The following RBMS3 variants were observed in gnomAD, a reference collection of about 807,000 sequenced individuals.
The protein encoded by RBMS3 is RNA-binding motif, single-stranded-interacting protein 3.
Under a neutral mutation model 66.8 loss-of-function variants are expected in RBMS3, and 27 were observed. The ratio of observed to expected loss-of-function variants is 0.40; its 90% confidence interval spans 0.30 to 0.56. RBMS3 has a LOEUF of 0.56. Among genes scored for constraint, RBMS3 ranks in the 20% least tolerant of loss-of-function variants. The probability of loss-of-function intolerance (pLI) is 0.40; values close to 1 mark genes in which losing one functional copy is unlikely to be tolerated. For synonymous variants in RBMS3, 188 were observed against 183.0 expected (o/e 1.03, Z -0.22); for missense variants, 513 against 549.5 (o/e 0.93, Z 0.66).
intron 1 of RBMS3, among the ~76,000 whole-genome samples, chr3:29,417,710 G>A (rs1023404967): frequency 1.3e-5 from 2 of 152,178 alleles, no homozygotes; most frequent in African/African-American, 4.8e-5. Flanking sequence ...CACCAAAGTC[G>A]GGAATATCTG....
At chr3:29,815,107 C>T (rs1024481706) in intron 6 of RBMS3, among the ~76,000 whole-genome samples, 1 of 152,140 alleles carries the variant, frequency 6.6e-6, no homozygotes, top group Admixed American at 6.5e-5. Flanking sequence ...TTCTTTCTCC[C>T]TAACACACTC....
intron 1 of RBMS3, among the ~76,000 whole-genome samples, chr3:29,419,984 G>A (rs979916068): frequency 1.3e-5 from 2 of 152,126 alleles, no homozygotes; most frequent in African/African-American, 4.8e-5. Flanking sequence ...TACCGTTGGT[G>A]TCTCTGTTTT....
chr3:29,748,534 A>G (rs929967860), intron 5 of RBMS3, among the ~76,000 whole-genome samples: 2 of 152,190 alleles, frequency 1.3e-5, no homozygotes, highest in Non-Finnish European at 2.9e-5. Context: ...TTGATTGGCT[A>G]TTCATGGTTC....
chr3:30,001,512 A>AT (rs1452295611), intron 14 of RBMS3, among the ~76,000 whole-genome samples: 1 of 151,966 alleles, frequency 6.6e-6, no homozygotes, highest in African/African-American at 2.4e-5. Context: ...GAAGGCCCTC[A>AT]TCTCAACCCT....
intron 6 of RBMS3, among the ~76,000 whole-genome samples, chr3:29,845,721 G>A (rs1008822972): frequency 2.6e-5 from 4 of 152,032 alleles, no homozygotes; most frequent in Admixed American, 1.3e-4. Context: ...AGTAAATGAG[G>A]CAAAAATCAA....
At chr3:29,929,702 C>A (rs987515905) in intron 10 of RBMS3, among the ~76,000 whole-genome samples, 4 of 152,160 alleles carry the variant, frequency 2.6e-5, no homozygotes, top group Non-Finnish European at 5.9e-5. Flanking sequence ...AATAGATATT[C>A]TGTTATTGGG....
chr3:29,587,177 C>T lies in RBMS3; in HGVS notation c.371C>T (p.Ala124Val). The T allele has an allele frequency of 1.3e-6, 2 of 1,541,000 alleles. No homozygotes were observed. Among genetic ancestry groups the T allele is most frequent in the Non-Finnish European group, 1.8e-6 (2 of 1,138,912 alleles). The change falls in exon 4 of 15, where the codon GCA becomes GTA. Residue 124 changes from alanine to valine, a missense_variant. Ala to Val is a moderately conservative substitution (Grantham distance 64). Coordinates refer to ENST00000383767, the MANE Select transcript of RBMS3 (RefSeq NM_001003793.3). ...CAGAAAGCGGTAGCATCTCTCAAGG[C>T]AAATGGCGTGCAGGCACAGATGGCT... ...AAQKAVASLK[A>V]NGVQAQMAKQ...
At chr3:29,734,932 T>C (rs1258700053) in intron 4 of RBMS3, among the ~76,000 whole-genome samples, 1 of 152,026 alleles carries the variant, frequency 6.6e-6, no homozygotes, top group Admixed American at 6.5e-5. Context: ...ACACTCCAGG[T>C]AGCTTAAGAA....
chr3:29,789,970 A>T (rs1318033565), intron 6 of RBMS3, among the ~76,000 whole-genome samples: 1 of 152,170 alleles, frequency 6.6e-6, no homozygotes, highest in Non-Finnish European at 1.5e-5. Context: ...CTTCACAGGC[A>T]TTGCTATCAA....
At chr3:29,612,525 T>A (rs1003288130) in intron 4 of RBMS3, among the ~76,000 whole-genome samples, 1 of 152,004 alleles carries the variant, frequency 6.6e-6, no homozygotes, top group African/African-American at 2.4e-5. Flanking sequence ...TGCATAGAGG[T>A]GGGTCTAAGG....
intron 12 of RBMS3, among the ~76,000 whole-genome samples, chr3:29,961,459 A>G (rs558414056): frequency 2.0e-5 from 3 of 152,256 alleles, no homozygotes; most frequent in African/African-American, 2.4e-5. Flanking sequence ...ATTTTCAGGT[A>G]TCTTTACAGC....
chr3:29,646,804 T>C (rs2049940194), intron 4 of RBMS3, among the ~76,000 whole-genome samples: 1 of 152,132 alleles, frequency 6.6e-6, no homozygotes, highest in Non-Finnish European at 1.5e-5. Context: ...GAGTTTAAAA[T>C]CTTTTAAAGT....
In RBMS3 at chr3:29,282,764, G is replaced by A. The variant is rs185602744; in HGVS notation, c.75+1008G>A. On this transcript the variant is annotated intron_variant, in intron 1 of 14. Transcript: ENST00000383767. ...TAAATATGCCGAGAGTGAACAAGGCGTGCCTGAATGATCTATGCTGTCACC... is the reference window on the plus strand; with the variant it reads ...TAAATATGCCGAGAGTGAACAAGGCATGCCTGAATGATCTATGCTGTCACC... 7.9e-5 allele frequency among the ~76,000 whole-genome samples: 12 copies of A among 152,236 alleles called. No homozygotes were observed. In the East Asian group the frequency reaches 1.5e-3, roughly 20 times the overall value.
At chr3:29,754,031 G>A (rs981344755) in intron 5 of RBMS3, among the ~76,000 whole-genome samples, 2 of 151,360 alleles carry the variant, frequency 1.3e-5, no homozygotes, top group Non-Finnish European at 2.9e-5. Flanking sequence ...GATTTTGGCT[G>A]ACTGCAACTT....
chr3:29,978,289 G>T (rs1697729714), intron 12 of RBMS3, among the ~76,000 whole-genome samples: 1 of 152,098 alleles, frequency 6.6e-6, no homozygotes, highest in Admixed American at 6.6e-5. Flanking sequence ...ATTTACCTTA[G>T]AAAGTGTATG....
intron 4 of RBMS3, among the ~76,000 whole-genome samples, chr3:29,677,381 T>G (rs2051301136): frequency 6.6e-6 from 1 of 152,230 alleles, no homozygotes; most frequent in African/African-American, 2.4e-5. Context: ...TTCTCTGTTC[T>G]TGAAATTAAA....
rs545959074 is a variant in RBMS3 at position 29,675,301 on chromosome 3, T to A, written c.400-64419T>A. ...CCAGATGGATTAAAGACTTAAATGT[T>A]AGACTTAAAACCATAAAAATCCTAG... On this transcript the variant is annotated intron_variant, in intron 4 of 14. Transcript: ENST00000383767. Among the ~76,000 whole-genome samples, 6 of 152,258 alleles carry A rather than the reference T, an allele frequency of 3.9e-5. No homozygotes were observed. In the South Asian group the frequency reaches 1.0e-3, roughly 26 times the overall value.
At chr3:29,410,697 T>C (rs1245251922) in intron 1 of RBMS3, among the ~76,000 whole-genome samples, 1 of 152,168 alleles carries the variant, frequency 6.6e-6, no homozygotes, top group Non-Finnish European at 1.5e-5. Context: ...GAATAGAAAG[T>C]ACATATTACT....
intron 4 of RBMS3, among the ~76,000 whole-genome samples, chr3:29,615,674 G>T (rs1327324617): frequency 6.6e-6 from 1 of 152,148 alleles, no homozygotes; most frequent in Non-Finnish European, 1.5e-5. Context: ...CCAAAAATTT[G>T]AGATCAGCCT....
Sources: gnomAD v4.1 joint callset for allele counts (sites outside exome capture counted in the v4.1 genomes callset) on GRCh38, gnomAD v4.1.1 for gene constraint, MANE v1.5 for transcripts, NCBI Gene and HGNC (gene_info 2026-07-23, HGNC 2026-07-21) for gene names.